Variants in EBF2 observed in about 807,000 individuals in gnomAD.
The protein encoded by EBF2 is EBF transcription factor 2.
Under a neutral mutation model 72.8 loss-of-function variants are expected in EBF2, and 21 were observed. The observed-to-expected ratio is 0.29, with a 90% CI of 0.20 to 0.42. The LOEUF (loss-of-function observed/expected upper bound fraction) is 0.42. EBF2 is among the 10% of genes least tolerant of loss of function. EBF2 has a pLI of 1.00. For missense variants in EBF2, 637 were observed against 731.2 expected (o/e 0.87, Z 1.49); for synonymous variants, 299 against 274.2 (o/e 1.09, Z -0.89).
At chr8:25,942,789 A>T (rs1461269631) in intron 6 of EBF2, among the ~76,000 whole-genome samples, 2 of 151,904 alleles carry the variant, frequency 1.3e-5, no homozygotes, top group African/African-American at 4.8e-5. Context: ...GGGCTCGCCT[A>T]CCTCCCCAGC....
intron 2 of EBF2, among the ~76,000 whole-genome samples, chr8:26,041,661 A>T (rs1201368412): frequency 2.0e-5 from 3 of 152,188 alleles, no homozygotes; most frequent in Non-Finnish European, 4.4e-5. Flanking sequence ...ACAGAACAGG[A>T]GAGAAGACAC....
chr8:25,908,219 C>T (rs150949430), intron 7 of EBF2, among the ~76,000 whole-genome samples: 2,292 of 152,268 alleles, frequency 0.015, 45 homozygotes, highest in Non-Finnish European at 0.019. Flanking sequence ...AGCCCGAGGG[C>T]TGAAAATCAA....
chr8:25,993,013 C>G (rs1234406447), intron 6 of EBF2, among the ~76,000 whole-genome samples: 1 of 152,148 alleles, frequency 6.6e-6, no homozygotes, highest in Non-Finnish European at 1.5e-5. Flanking sequence ...GTTGATCCAC[C>G]ACCTTTCCCT....
At chr8:25,946,391 T>A (rs1803769315) in intron 6 of EBF2, among the ~76,000 whole-genome samples, 2 of 152,210 alleles carry the variant, frequency 1.3e-5, no homozygotes, top group South Asian at 2.1e-4. Flanking sequence ...TAAATATGCT[T>A]GCTGAGAGTG....
intron 6 of EBF2, among the ~76,000 whole-genome samples, chr8:25,938,179 T>C (rs1803609917): frequency 6.6e-6 from 1 of 152,134 alleles, no homozygotes; most frequent in Non-Finnish European, 1.5e-5. Context: ...GAAGCGTTAG[T>C]GGAAAGCAGC....
In EBF2 at chr8:26,011,410, T is replaced by C. The variant is rs368365367; in HGVS notation, c.551+21675A>G. Among the ~76,000 whole-genome samples the C allele has an allele frequency of 6.6e-5, 10 of 152,270 alleles. No individual in the cohort carries two copies. The South Asian group carries it at 1.9e-3, about 28-fold the overall frequency. ...CTTTAAATTTCATTTTAAATAGCTT[T>C]AAATGCTGTCCTCACCTATTGGATT... On this transcript the variant is annotated intron_variant, in intron 6 of 15. Coordinates refer to ENST00000520164, the MANE Select transcript of EBF2 (RefSeq NM_022659.4).
intron 6 of EBF2, among the ~76,000 whole-genome samples, chr8:26,006,105 C>G (rs1224005591): frequency 2.6e-5 from 4 of 152,134 alleles, no homozygotes; most frequent in South Asian, 2.1e-4. Flanking sequence ...AAAACATACT[C>G]TAAGGCAGGT....
chr8:25,905,208 G>A (rs62499089), intron 7 of EBF2, among the ~76,000 whole-genome samples: 3,884 of 152,242 alleles, frequency 0.026, 115 homozygotes, highest in East Asian at 0.11. Flanking sequence ...AAGTGTTGGC[G>A]AGGAATTGAC....
chr8:25,976,806 C>A (rs938094675), intron 6 of EBF2, among the ~76,000 whole-genome samples: 2 of 152,122 alleles, frequency 1.3e-5, no homozygotes, highest in African/African-American at 4.8e-5. Flanking sequence ...ACTCTTAAGC[C>A]TCTAAATGAT....
chr8:25,952,234 T>C (rs948478693), intron 6 of EBF2, among the ~76,000 whole-genome samples: 2 of 152,180 alleles, frequency 1.3e-5, no homozygotes, highest in Non-Finnish European at 2.9e-5. Context: ...AGTTGGAGGC[T>C]AGAGTGATCC....
intron 10 of EBF2, among the ~76,000 whole-genome samples, chr8:25,883,822 C>A (rs1290838230): frequency 2.0e-5 from 3 of 152,064 alleles, no homozygotes; most frequent in African/African-American, 7.2e-5. Flanking sequence ...ACAGAGATAC[C>A]AGAAGCTCTA....
chr8:25,939,579 AG>A (rs1274612645), intron 6 of EBF2, among the ~76,000 whole-genome samples: 1 of 152,234 alleles, frequency 6.6e-6, no homozygotes, highest in African/African-American at 2.4e-5. Flanking sequence ...AAAATGGAAC[AG>A]GGGCTTCTCT....
chr8:26,020,362 T>C (rs1805184898), intron 6 of EBF2, among the ~76,000 whole-genome samples: 1 of 152,158 alleles, frequency 6.6e-6, no homozygotes, highest in South Asian at 2.1e-4. Flanking sequence ...ACAAGCTCAA[T>C]GGACGCCACT....
At chr8:26,038,571 A>G (rs970526490) in intron 5 of EBF2, among the ~76,000 whole-genome samples, 4 of 152,226 alleles carry the variant, frequency 2.6e-5, no homozygotes, top group Non-Finnish European at 5.9e-5. Flanking sequence ...GCATAAAAAG[A>G]AAAACCTCCC....
At chr8:25,882,864 G>A (rs747039152) in intron 10 of EBF2, among the ~76,000 whole-genome samples, 6 of 152,232 alleles carry the variant, frequency 3.9e-5, no homozygotes, top group Non-Finnish European at 7.3e-5. Context: ...AGAGCTCAAT[G>A]TTGAGCACAG....
At chr8:25,846,074 G>A (rs1006215023) in intron 15 of EBF2, among the ~76,000 whole-genome samples, 5 of 152,034 alleles carry the variant, frequency 3.3e-5, no homozygotes, top group Admixed American at 2.0e-4. Flanking sequence ...CTGGATTAAG[G>A]TCTTACACAG....
chr8:25,923,580 G>A (rs1263347047), intron 6 of EBF2, among the ~76,000 whole-genome samples: 2 of 151,864 alleles, frequency 1.3e-5, no homozygotes, highest in African/African-American at 4.8e-5. Flanking sequence ...TTCAAGTTTT[G>A]TTTTTTTTGT....
chr8:25,879,476 C>A (rs1379701431), intron 10 of EBF2, among the ~76,000 whole-genome samples: 1 of 152,184 alleles, frequency 6.6e-6, no homozygotes, highest in African/African-American at 2.4e-5. Flanking sequence ...ATTTACATTC[C>A]TGCAGTAGTA....
chr8:25,929,994 G>A (rs528569742), intron 6 of EBF2, among the ~76,000 whole-genome samples: 1 of 152,328 alleles, frequency 6.6e-6, no homozygotes, highest in South Asian at 2.1e-4. Flanking sequence ...TAATGAGGCA[G>A]TATCTTATGA....
Sources: gnomAD v4.1 joint callset for allele counts (sites outside exome capture counted in the v4.1 genomes callset) on GRCh38, gnomAD v4.1.1 for gene constraint, MANE v1.5 for transcripts, NCBI Gene and HGNC (gene_info 2026-07-23, HGNC 2026-07-21) for gene names.